TADA1: variants seen among roughly 807,000 people sequenced by gnomAD.
TADA1 encodes the protein transcriptional adapter 1.
A neutral mutation model predicts 39.3 loss-of-function variants in TADA1; 23 were observed. The ratio of observed to expected loss-of-function variants is 0.58; its 90% CI spans 0.42 to 0.83. The LOEUF is 0.83. Ranked by LOEUF, TADA1 falls within the 40% of genes least tolerant of loss-of-function variation. The pLI, the probability that TADA1 is intolerant of heterozygous loss-of-function variation, is 0.00. For missense variants in TADA1, 352 were observed against 408.1 expected (o/e 0.86, Z 1.18); for synonymous variants, 137 against 151.8 (o/e 0.90, Z 0.72).
At chr1:166,871,461 T>C (rs1658659296) in intron 1 of TADA1, among the ~76,000 whole-genome samples, 1 of 152,236 alleles carries the variant, frequency 6.6e-6, no homozygotes, top group Non-Finnish European at 1.5e-5. Flanking sequence ...GTCATCTTAG[T>C]ATCTCTATAT....
In TADA1 at chr1:166,859,730, A is replaced by G. The variant is rs74119681; in HGVS notation, c.692+456T>C. On this transcript the variant is annotated intron_variant, in intron 6 of 7. Transcript: ENST00000367874. ...CAGGCACAGACCACTATCTTGAGCT[A>G]TGCCTACAAGAGCCAGATGAGGGCC... 5.7e-3 allele frequency among the ~76,000 whole-genome samples: 863 copies of G among 152,074 alleles called. 7 individuals carry two copies. The highest frequency in any genetic ancestry group is 0.02 in the African/African-American group (833 of 41,480).
intron 7 of TADA1, 91 bp from the exon 8 acceptor site, chr1:166,857,810 C>T: frequency 5.1e-6 from 7 of 1,378,552 alleles, no homozygotes; most frequent in Non-Finnish European, 7.0e-6. Context: ...AAAACATACA[C>T]ACAATCTATA....
intron 5 of TADA1, 96 bp downstream of exon 5, chr1:166,862,107 G>A: frequency 5.1e-6 from 6 of 1,168,988 alleles, no homozygotes; most frequent in South Asian, 4.1e-5. Flanking sequence ...AAATCAGAGT[G>A]ACATTTGGAT....
rs1266624381 is a variant in TADA1 at position 166,858,224 on chromosome 1, A to G, written c.750T>C (p.Pro250=). The G allele has an allele frequency of 6.2e-7, 1 of 1,611,238 alleles. No individual in the cohort carries two copies. Among genetic ancestry groups the G allele is most frequent in the East Asian group, 2.2e-5 (1 of 44,762 alleles). ...AGQNPASHPP[P]DDAEQQAALL... ...GTGCAGCCTGCTGCTCAGCATCATC[A>G]GGGGGTGGGTGAGAAGCTGGATTCT... Residue 250 remains proline, a synonymous_variant, in exon 7 of 8, where the codon CCT becomes CCC. Coordinates refer to ENST00000367874, the MANE Select transcript of TADA1 (RefSeq NM_053053.4).
intron 1 of TADA1, among the ~76,000 whole-genome samples, chr1:166,873,226 G>T (rs572435474): frequency 6.6e-6 from 1 of 152,122 alleles, no homozygotes; most frequent in Admixed American, 6.5e-5. Flanking sequence ...AGCCGAGATC[G>T]CACCACTGCA....
chr1:166,864,023 G>T, intron 3 of TADA1, 102 bp from the exon 4 acceptor site: 1 of 833,976 alleles, frequency 1.2e-6, no homozygotes, highest in Non-Finnish European at 1.9e-6. Flanking sequence ...CTCATGAAAT[G>T]CAAATAACTA....
chr1:166,869,885 C>G, intron 1 of TADA1, 31 bp from the exon 2 acceptor site: 1 of 1,571,724 alleles, frequency 6.4e-7, no homozygotes, highest in Non-Finnish European at 8.7e-7. Context: ...CTAAGAACCA[C>G]AGATTTGGCT....
rs5778526 is a variant in TADA1, at chr1:166,865,932, G to GAA, written c.233-2013_233-2012dup. Among the ~76,000 whole-genome samples, 16 of 150,814 alleles carry GAA rather than the reference G, an allele frequency of 1.1e-4. No homozygotes were observed. The East Asian group carries it at 2.5e-3, about 24-fold the overall frequency. The stretch of plus-strand genomic sequence containing the variant: ...TGGAAAGAAACGTTTTTAACGCTTT[G>GAA]AAAAAAAAAATATTCCAGATTCCTC... On this transcript the variant is annotated intron_variant, in intron 3 of 7. Coordinates refer to ENST00000367874, the MANE Select transcript of TADA1 (RefSeq NM_053053.4).
At chr1:166,867,166 G>A (rs1207446426) in intron 3 of TADA1, among the ~76,000 whole-genome samples, 24 of 152,138 alleles carry the variant, frequency 1.6e-4, no homozygotes, top group East Asian at 1.9e-4. Context: ...ACTATATTAT[G>A]TAAGCTAGTG....
chr1:166,865,296 A>C lies in TADA1; in HGVS notation c.233-1375T>G, dbSNP rs2179055. On this transcript the variant is annotated intron_variant, in intron 3 of 7. Transcript: ENST00000367874. Reference sequence around the variant, plus strand: ...AGAGCAATAAGACAGAGATGTTAAAATCAGTTAATCCAGAAACAGATTTAA... The same window carrying C: ...AGAGCAATAAGACAGAGATGTTAAACTCAGTTAATCCAGAAACAGATTTAA... Among the ~76,000 whole-genome samples the C allele has an allele frequency of 6.1e-3, 932 of 152,280 alleles. 5 individuals are homozygous for C. The highest frequency in any genetic ancestry group is 0.01 in the Non-Finnish European group (699 of 68,026).
At chr1:166,874,386 A>C (rs540976133) in intron 1 of TADA1, among the ~76,000 whole-genome samples, 12 of 152,318 alleles carry the variant, frequency 7.9e-5, no homozygotes, top group African/African-American at 2.9e-4. Context: ...CAAAAGTAAA[A>C]AGCTACAGTA....
In TADA1 at chr1:166,856,727, T is replaced by C. The variant is rs1658286611; in HGVS notation, c.*840A>G. 6.5e-6 allele frequency: 1 copy of C among 152,672 alleles called. No individual in the cohort carries two copies. Among genetic ancestry groups the C allele is most frequent in the Non-Finnish European group, 1.5e-5 (1 of 68,038 alleles). 9.5% of individuals were successfully genotyped at this position (152,672 alleles called of 1,614,324 possible). On this transcript the variant is annotated 3_prime_UTR_variant, in exon 8 of 8. Transcript: ENST00000367874. The stretch of plus-strand genomic sequence containing the variant: ...CAGTAACACTATCGAATGTAAATTA[T>C]TTTCACTTCATCACTTGAAACGGTA...
chr1:166,858,077 C>G (rs1571236011), intron 7 of TADA1, 42 bp downstream of exon 7: 12 of 1,607,670 alleles, frequency 7.5e-6, no homozygotes, highest in Admixed American at 1.7e-5. Context: ...ATCTCTTAAC[C>G]TATCCATAAA....
intron 6 of TADA1, among the ~76,000 whole-genome samples, chr1:166,859,433 C>G (rs1304580457): frequency 6.6e-6 from 1 of 152,140 alleles, no homozygotes; most frequent in Non-Finnish European, 1.5e-5. Context: ...ACTTCAGTAA[C>G]CATAAAGAAA....
chr1:166,866,241 A>G (rs540816423), intron 3 of TADA1, among the ~76,000 whole-genome samples: 9 of 152,220 alleles, frequency 5.9e-5, no homozygotes, highest in African/African-American at 1.2e-4. Flanking sequence ...TAGCACTTAG[A>G]TTTCAGTTTT....
At chr1:166,863,766 T>G (rs1658467964) in intron 4 of TADA1, 58 bp downstream of exon 4, 1 of 1,466,596 alleles carries the variant, frequency 6.8e-7, no homozygotes, top group Non-Finnish European at 9.5e-7. Context: ...CTAAAGCTAG[T>G]CCCAACATGC....
intron 1 of TADA1, among the ~76,000 whole-genome samples, chr1:166,872,607 G>A (rs1017085372): frequency 6.6e-6 from 1 of 152,150 alleles, no homozygotes; most frequent in Non-Finnish European, 1.5e-5. Context: ...AGGAGGCAGA[G>A]GTTGCAGTGA....
intron 1 of TADA1, 29 bp downstream of exon 1, chr1:166,876,131 C>T (rs368455576): frequency 2.5e-6 from 4 of 1,599,968 alleles, no homozygotes; most frequent in Non-Finnish European, 3.4e-6. Flanking sequence ...CGCGTGTTGG[C>T]CTGGACGCTG....
At chr1:166,872,759 ATGCTGG>A (rs1658684705) in intron 1 of TADA1, among the ~76,000 whole-genome samples, 1 of 152,086 alleles carries the variant, frequency 6.6e-6, no homozygotes, top group African/African-American at 2.4e-5. Flanking sequence ...TCACCAGAAG[ATGCTGG>A]TGCCATGCTT....
Sources: allele counts gnomAD v4.1 joint callset (sites outside exome capture counted in the v4.1 genomes callset), GRCh38; gene constraint gnomAD v4.1.1; transcripts MANE v1.5; gene names NCBI Gene and HGNC (gene_info 2026-07-23, HGNC 2026-07-21).